The following FAM184B variants were observed in gnomAD, a reference collection of about 807,000 sequenced individuals.
The protein encoded by FAM184B is family with sequence similarity 184 member B.
FAM184B carries 111 observed loss-of-function variants against 135.9 expected under a neutral mutation model. The ratio of observed to expected loss-of-function variants is 0.82; its 90% CI spans 0.70 to 0.96. The LOEUF is 0.96. Ranked by LOEUF, FAM184B falls within the 40% of genes least tolerant of loss-of-function variation. The pLI is 0.00. For missense variants in FAM184B, 1,375 were observed against 1,323.9 expected (o/e 1.04, Z -0.60); for synonymous variants, 552 against 524.8 (o/e 1.05, Z -0.71).
At chr4:17,672,625 A>G (rs548243393) in intron 7 of FAM184B, among the ~76,000 whole-genome samples, 2 of 152,268 alleles carry the variant, frequency 1.3e-5, no homozygotes, top group African/African-American at 4.8e-5. Context: ...TTCTGTATCT[A>G]TTGAGATGAT....
intron 1 of FAM184B, among the ~76,000 whole-genome samples, chr4:17,744,726 A>AAAAAAAG (rs952313725): frequency 6.6e-6 from 1 of 151,954 alleles, no homozygotes; most frequent in Non-Finnish European, 1.5e-5. Flanking sequence ...TCTCAAAAAA[A>AAAAAAAG]AAAAAAGAAA....
chr4:17,676,500 A>G (rs902999688), intron 7 of FAM184B, among the ~76,000 whole-genome samples: 11 of 152,250 alleles, frequency 7.2e-5, no homozygotes, highest in African/African-American at 1.2e-4. Flanking sequence ...TAAGGTACAC[A>G]TATTTTTATA....
At position 17,758,207 on chromosome 4, in the gene FAM184B, T is replaced by G. The variant is rs374885807; in HGVS notation, c.141+22952A>C. ...CTCAAGGAATATAAAGGACTCAAAT[T>G]TACCCCTTTTGTCAGTACTAATTTC... On this transcript the variant is annotated intron_variant, in intron 1 of 17. Coordinates refer to ENST00000265018, the MANE Select transcript of FAM184B (RefSeq NM_015688.2). 2.6e-5 allele frequency among the ~76,000 whole-genome samples: 4 copies of G among 152,324 alleles called. No homozygotes were observed. In the South Asian group the frequency reaches 6.2e-4, roughly 24 times the overall value.
intron 6 of FAM184B, among the ~76,000 whole-genome samples, chr4:17,692,043 C>T (rs1440317922): frequency 1.6e-5 from 2 of 124,792 alleles, no homozygotes; most frequent in African/African-American, 5.7e-5. Context: ...CAGAGCGAGA[C>T]TCCGTCTCAA....
chr4:17,638,442 G>A (rs1715213331), intron 14 of FAM184B, among the ~76,000 whole-genome samples: 1 of 151,432 alleles, frequency 6.6e-6, no homozygotes, highest in African/African-American at 2.4e-5. Flanking sequence ...GTCCACCCTG[G>A]GCTCAAGCCT....
intron 7 of FAM184B, among the ~76,000 whole-genome samples, chr4:17,685,186 T>A (rs1202613837): frequency 4.1e-4 from 58 of 142,522 alleles, no homozygotes; most frequent in African/African-American, 1.5e-3. Context: ...CCTGCACATG[T>A]ACCCTGGAAC....
intron 12 of FAM184B, among the ~76,000 whole-genome samples, chr4:17,643,943 G>A (rs553791751): frequency 3.9e-5 from 6 of 152,332 alleles, no homozygotes; most frequent in East Asian, 3.9e-4. Context: ...AGGACCGGGC[G>A]GTAGATCCTA....
chr4:17,762,419 T>A (rs111802083), intron 1 of FAM184B, among the ~76,000 whole-genome samples: 3,210 of 152,262 alleles, frequency 0.021, 118 homozygotes, highest in African/African-American at 0.072. Context: ...GCTAAGGGGA[T>A]CTGCCCTAGC....
intron 5 of FAM184B, among the ~76,000 whole-genome samples, chr4:17,693,943 C>T (rs979939396): frequency 6.6e-6 from 1 of 151,940 alleles, no homozygotes; most frequent in Non-Finnish European, 1.5e-5. Context: ...GAGATGGTGT[C>T]TCTATTTTAA....
At chr4:17,665,999 C>G (rs1203133562) in intron 7 of FAM184B, among the ~76,000 whole-genome samples, 2 of 152,016 alleles carry the variant, frequency 1.3e-5, no homozygotes, top group Admixed American at 6.6e-5. Flanking sequence ...TTTTACTCCT[C>G]CAAACAACAA....
chr4:17,725,094 C>T (rs537090397), intron 1 of FAM184B, among the ~76,000 whole-genome samples: 82 of 152,260 alleles, frequency 5.4e-4, no homozygotes, highest in Non-Finnish European at 9.0e-4. Flanking sequence ...GTCATGACTT[C>T]GTCACCTTTG....
At chr4:17,657,537 C>A (rs1036448507) in intron 10 of FAM184B, among the ~76,000 whole-genome samples, 5 of 152,198 alleles carry the variant, frequency 3.3e-5, no homozygotes, top group East Asian at 3.8e-4. Flanking sequence ...TTAAGCCAGG[C>A]CACAAGGTAG....
intron 1 of FAM184B, among the ~76,000 whole-genome samples, chr4:17,776,261 A>G (rs779825655): frequency 6.6e-6 from 1 of 152,256 alleles, no homozygotes; most frequent in Non-Finnish European, 1.5e-5. Context: ...AATATTAACA[A>G]ACCTATAGGA....
intron 6 of FAM184B, among the ~76,000 whole-genome samples, chr4:17,690,130 A>C (rs1716697173): frequency 6.6e-6 from 1 of 152,086 alleles, no homozygotes; most frequent in African/African-American, 2.4e-5. Context: ...CCTGGGTGAC[A>C]GAACGAGACT....
At position 17,635,012 on chromosome 4, in the gene FAM184B, C is replaced by T; in HGVS notation, c.2886G>A (p.Met962Ile). ...AAAACCATTAGAACCAATTTACCTT[C>T]ATGGAAGGGGTCAAATATCCCGGGT... The part of the protein sequence containing the change: ...NPHPGYLTPS[M>I]KKKKVEDVPS... Residue 962 changes from methionine to isoleucine, a missense_variant, in exon 16 of 18, where the codon ATG (methionine) becomes ATA (isoleucine). By Grantham distance (10) the Met-to-Ile change is conservative. Coordinates refer to ENST00000265018, the MANE Select transcript of FAM184B (RefSeq NM_015688.2). 1 of 1,551,010 alleles carries T rather than the reference C, an allele frequency of 6.4e-7. No individual in the cohort carries two copies. Among genetic ancestry groups the T allele is most frequent in the Non-Finnish European group, 8.7e-7 (1 of 1,146,272 alleles).
chr4:17,639,591 A>AC (rs1715248517), intron 13 of FAM184B, among the ~76,000 whole-genome samples, 195 bp from the exon 14 acceptor site: 1 of 152,046 alleles, frequency 6.6e-6, no homozygotes, highest in Non-Finnish European at 1.5e-5. Context: ...CCACTATGGG[A>AC]CCCCTTCTCA....
chr4:17,632,445 T>G lies in FAM184B; in HGVS notation c.*87A>C. 2 of 1,090,088 alleles carry G rather than the reference T, an allele frequency of 1.8e-6. No homozygotes were observed. The highest frequency in any genetic ancestry group is 2.6e-6 in the Non-Finnish European group (2 of 755,488). 67.5% of individuals were successfully genotyped at this position (1,090,088 alleles called of 1,614,324 possible). A position where few individuals can be genotyped will look rare whatever the true frequency, so the allele number is the denominator to read the frequency against. On this transcript the variant is annotated 3_prime_UTR_variant, in exon 18 of 18. Transcript: ENST00000265018. ...TATAAATCATAAGCATATTATTTGG[T>G]TGGTTGGTGTTAGTTCATTCCTTCA...
intron 10 of FAM184B, 36 bp from the exon 11 acceptor site, chr4:17,653,019 T>C: frequency 1.9e-6 from 3 of 1,549,100 alleles, no homozygotes; most frequent in Non-Finnish European, 2.6e-6. Context: ...GGCATGAAAG[T>C]GGGCATGAGG....
rs1714961993 is a variant in FAM184B, at chr4:17,632,031, G to A, written c.*501C>T. 7.3e-6 allele frequency: 1 copy of A among 136,914 alleles called. No individual in the cohort carries two copies. The highest frequency in any genetic ancestry group is 2.7e-5 in the African/African-American group (1 of 36,508). 8.5% of individuals were successfully genotyped at this position (136,914 alleles called of 1,614,324 possible). A position where few individuals can be genotyped will look rare whatever the true frequency, so the allele number is the denominator to read the frequency against. On this transcript the variant is annotated 3_prime_UTR_variant, in exon 18 of 18. Coordinates refer to ENST00000265018, the MANE Select transcript of FAM184B (RefSeq NM_015688.2). ...CCTATAGATGACTTTTAATAACACT[G>A]GTTTAATGTCAATTTTTTTTTTTTT... is the stretch of plus-strand genomic sequence containing the variant.
Sources: gnomAD v4.1 joint callset for allele counts (sites outside exome capture counted in the v4.1 genomes callset) on GRCh38, gnomAD v4.1.1 for gene constraint, MANE v1.5 for transcripts, NCBI Gene and HGNC (gene_info 2026-07-23, HGNC 2026-07-21) for gene names.